The following LHPP variants were observed in gnomAD, a reference collection of about 807,000 sequenced individuals.
LHPP encodes the protein hLHPP.
LHPP carries 24 observed loss-of-function variants against 30.3 expected under a neutral mutation model. That is an observed-to-expected ratio of 0.79 (90% CI 0.57 to 1.11). The LOEUF (loss-of-function observed/expected upper bound fraction) is 1.11. Among genes scored for constraint, LHPP ranks in the 50% most tolerant of loss-of-function variants. LHPP has a pLI of 0.00. For missense variants in LHPP, 356 were observed against 367.2 expected, an observed-to-expected ratio of 0.97 and a Z score of 0.25; for synonymous variants, 150 against 157.1, an observed-to-expected ratio of 0.95 and a Z score of 0.34.
At chr10:124,549,677 C>T (rs1196443441) in intron 6 of LHPP, among the ~76,000 whole-genome samples, 2 of 152,330 alleles carry the variant, frequency 1.3e-5, no homozygotes, top group South Asian at 4.1e-4. Context: ...TGGTGATTTG[C>T]AGGACGGGAC....
rs562583706 is a variant in LHPP at position 124,523,190 on chromosome 10, C to T, written c.716+5919C>T. Reference sequence around the variant, plus strand: ...AGGCTGGCAGATGTTTTATAAGCCCCGAACGTTCTTGACAAACAGTTTGCC... The same window carrying T: ...AGGCTGGCAGATGTTTTATAAGCCCTGAACGTTCTTGACAAACAGTTTGCC... On this transcript the variant is annotated intron_variant, in intron 6 of 6. Coordinates refer to ENST00000368842, the MANE Select transcript of LHPP (RefSeq NM_022126.4). The surrounding 1 kb of genome is among the most constrained non-coding windows in gnomAD (Gnocchi z 4.2). 1.3e-4 allele frequency among the ~76,000 whole-genome samples: 20 copies of T among 152,358 alleles called. No individual in the cohort carries two copies. Among genetic ancestry groups the T allele is most frequent in the African/African-American group, 4.1e-4 (17 of 41,584 alleles).
intron 6 of LHPP, among the ~76,000 whole-genome samples, chr10:124,568,935 G>A (rs1009083942): frequency 1.0e-5 from 1 of 100,380 alleles, no homozygotes; most frequent in Non-Finnish European, 2.4e-5. Context: ...GCTGGCGACT[G>A]GCATGTTCTG....
chr10:124,498,617 A>C, intron 5 of LHPP: 1 of 722,062 alleles, frequency 1.4e-6, no homozygotes, highest in Non-Finnish European at 2.3e-6. Flanking sequence ...CCCAACCCTA[A>C]GTGAGTCTGG....
chr10:124,587,798 A>G (rs1948825566), intron 6 of LHPP, among the ~76,000 whole-genome samples: 1 of 151,278 alleles, frequency 6.6e-6, no homozygotes, highest in African/African-American at 2.4e-5. Flanking sequence ...TAAAAGAAAA[A>G]GGCTAAGAAA....
chr10:124,491,657 G>A (rs1953533702), intron 3 of LHPP, among the ~76,000 whole-genome samples: 1 of 152,228 alleles, frequency 6.6e-6, no homozygotes, highest in Non-Finnish European at 1.5e-5. Flanking sequence ...GGGGACAGTG[G>A]CTCACGCCGG....
At chr10:124,555,128 C>T (rs1472906279) in intron 6 of LHPP, among the ~76,000 whole-genome samples, 1 of 152,158 alleles carries the variant, frequency 6.6e-6, no homozygotes, top group African/African-American at 2.4e-5. Context: ...CCACTGTGCT[C>T]TCTGCCTCCC....
intron 6 of LHPP, among the ~76,000 whole-genome samples, chr10:124,539,492 G>A (rs2362495): frequency 0.2 from 31,091 of 151,876 alleles, 3,262 homozygotes; most frequent in Middle Eastern, 0.3. Context: ...CGGGCATGGT[G>A]GCTCATGCTT....
Position 124,501,399 on chromosome 10 carries a change from C to T in LHPP, c.624+3271C>T, listed in dbSNP as rs561945024. On this transcript the variant is annotated intron_variant, in intron 5 of 6. Coordinates refer to ENST00000368842, the MANE Select transcript of LHPP (RefSeq NM_022126.4). ...GGTGAATCACTTGAGGTCAGGAGTT[C>T]GAGATCAGCCTGGCCAACATGGTGA... is the stretch of plus-strand genomic sequence containing the variant. Among the ~76,000 whole-genome samples the T allele has an allele frequency of 5.3e-5, 8 of 151,556 alleles. No individual in the cohort carries two copies. In the South Asian group the frequency reaches 1.7e-3, roughly 32 times the overall value.
intron 6 of LHPP, among the ~76,000 whole-genome samples, chr10:124,603,948 G>A (rs1023006865): frequency 6.6e-6 from 1 of 152,246 alleles, no homozygotes; most frequent in Non-Finnish European, 1.5e-5. Flanking sequence ...CCCGGGCCTG[G>A]GGCTGGAGTG....
At chr10:124,513,908 A>G (rs1370386577) in intron 5 of LHPP, among the ~76,000 whole-genome samples, 2 of 151,842 alleles carry the variant, frequency 1.3e-5, no homozygotes, top group African/African-American at 2.4e-5. Context: ...GACTCCCTCC[A>G]CTCTATGTAG....
chr10:124,491,538 T>C lies in LHPP; in HGVS notation c.467+2963T>C, dbSNP rs2361628. On this transcript the variant is annotated intron_variant, in intron 3 of 6. Coordinates refer to ENST00000368842, the MANE Select transcript of LHPP (RefSeq NM_022126.4). Reference sequence around the variant, plus strand: ...CTGTCCCCCAGCCATTGAGTGCTGATAGGATCAGGAGTGCCAGTTGGTGTG... The same window carrying C: ...CTGTCCCCCAGCCATTGAGTGCTGACAGGATCAGGAGTGCCAGTTGGTGTG... Among the ~76,000 whole-genome samples, 1,518 of 152,346 alleles carry C rather than the reference T, an allele frequency of 1.0e-2. 25 individuals are homozygous for C. Among genetic ancestry groups the C allele is most frequent in the African/African-American group, 0.033 (1,392 of 41,582 alleles).
At chr10:124,568,601 G>A (rs1948532928) in intron 6 of LHPP, among the ~76,000 whole-genome samples, 1 of 152,188 alleles carries the variant, frequency 6.6e-6, no homozygotes, top group African/African-American at 2.4e-5. Flanking sequence ...GAATACCGAT[G>A]GAGGCTTACC....
Position 124,613,633 on chromosome 10 carries a change from G to A in LHPP, c.*273G>A, listed in dbSNP as rs534585375. The A allele has an allele frequency of 6.0e-5, 32 of 534,488 alleles. No individual in the cohort carries two copies. In the East Asian group the frequency reaches 9.8e-4, roughly 16 times the overall value. 33.1% of individuals were successfully genotyped at this position (534,488 alleles called of 1,614,324 possible). Reference sequence around the variant, plus strand: ...GCCTGGGCCCTGACTTCAGCTCCCTGTAGTGAAGTCCAGGAGGGTGGGACA... The same window carrying A: ...GCCTGGGCCCTGACTTCAGCTCCCTATAGTGAAGTCCAGGAGGGTGGGACA... On this transcript the variant is annotated 3_prime_UTR_variant, in exon 7 of 7. Transcript: ENST00000368842.
intron 2 of LHPP, among the ~76,000 whole-genome samples, chr10:124,486,056 A>G (rs953296494): frequency 2.0e-5 from 3 of 152,212 alleles, no homozygotes; most frequent in Non-Finnish European, 4.4e-5. Context: ...ACTCCCCTAT[A>G]CACTTCAGCA....
chr10:124,488,505 CA>C lies in LHPP; in HGVS notation c.401del (p.Asn134ThrfsTer2). 1.9e-6 allele frequency: 3 copies of C among 1,613,854 alleles called. No individual in the cohort carries two copies. The highest frequency in any genetic ancestry group is 2.5e-6 in the Non-Finnish European group (3 of 1,179,930). The part of the protein sequence containing the change: ...IADAGESFSY[Q>X]NMNNAFQVLM... ...AGACGCAGGAGAAAGCTTTTCTTAT[CA>C]AAACATGAATAACGCCTTCCAGGTG... On this transcript the variant is annotated frameshift_variant, in exon 3 of 7. Transcript: ENST00000368842. LOFTEE classifies it high-confidence loss of function.
chr10:124,489,386 T>C (rs969542220), intron 3 of LHPP, among the ~76,000 whole-genome samples: 2 of 152,226 alleles, frequency 1.3e-5, no homozygotes, highest in African/African-American at 4.8e-5. Flanking sequence ...AAACAATATT[T>C]GTGACTGACT....
At chr10:124,527,427 G>A (rs965765359) in intron 6 of LHPP, among the ~76,000 whole-genome samples, 26 of 152,212 alleles carry the variant, frequency 1.7e-4, no homozygotes, top group African/African-American at 5.1e-4. Context: ...GTTCCTCTGT[G>A]TCATGGGTGG....
At chr10:124,539,735 C>CAAAA (rs34308960) in intron 6 of LHPP, among the ~76,000 whole-genome samples, 47,768 of 120,554 alleles carry the variant, frequency 0.4, 10,524 homozygotes, top group East Asian at 0.55. Flanking sequence ...AACCCTGTCT[C>CAAAA]AAAAAAAAAA....
At chr10:124,504,981 T>C (rs978050148) in intron 5 of LHPP, among the ~76,000 whole-genome samples, 1 of 152,144 alleles carries the variant, frequency 6.6e-6, no homozygotes, top group African/African-American at 2.4e-5. Flanking sequence ...CCATCCACCC[T>C]GAGCATCTGT....
Sources: allele counts gnomAD v4.1 joint callset (sites outside exome capture counted in the v4.1 genomes callset), GRCh38; gene constraint gnomAD v4.1.1; non-coding constraint Gnocchi (gnomAD v3.1); transcripts MANE v1.5; gene names NCBI Gene and HGNC (gene_info 2026-07-23, HGNC 2026-07-21).